Variants in CLSTN2 observed in about 807,000 individuals in gnomAD.
The protein encoded by CLSTN2 is calsyntenin 2.
In CLSTN2, 48 loss-of-function variants were observed where a neutral mutation model predicts 101.2. That is an observed-to-expected ratio of 0.47 (90% CI 0.38 to 0.60). CLSTN2 has a LOEUF of 0.60. Among genes scored for constraint, CLSTN2 ranks in the 20% least tolerant of loss-of-function variants. The pLI, the probability that CLSTN2 is intolerant of heterozygous loss-of-function variation, is 0.00. For synonymous variants in CLSTN2, 481 were observed against 463.6 expected (o/e 1.04, Z -0.48); for missense variants, 1,160 against 1,238.2 (o/e 0.94, Z 0.95).
chr3:140,554,478 A>G (rs868487506), intron 10 of CLSTN2, among the ~76,000 whole-genome samples: 14 of 152,370 alleles, frequency 9.2e-5, no homozygotes, highest in Middle Eastern at 3.4e-3. Flanking sequence ...TTTGTCATTT[A>G]TCAGATTGGC....
At chr3:140,041,770 A>C (rs1354652330) in intron 1 of CLSTN2, among the ~76,000 whole-genome samples, 2 of 152,146 alleles carry the variant, frequency 1.3e-5, no homozygotes, top group Non-Finnish European at 2.9e-5. Context: ...TGCTTCTCTC[A>C]ACCCATCAGG....
chr3:140,367,613 C>T (rs994803516), intron 2 of CLSTN2, among the ~76,000 whole-genome samples: 2 of 151,654 alleles, frequency 1.3e-5, no homozygotes, highest in Non-Finnish European at 2.9e-5. Context: ...TTACTTCTAG[C>T]ACCTACCTGG....
chr3:139,965,358 T>C (rs1368803453), intron 1 of CLSTN2, among the ~76,000 whole-genome samples: 2 of 152,166 alleles, frequency 1.3e-5, no homozygotes, highest in Admixed American at 6.5e-5. Context: ...TTTGTACTTC[T>C]GAGAAAGTCA....
At chr3:140,165,398 C>A (rs984212966) in intron 1 of CLSTN2, among the ~76,000 whole-genome samples, 15 of 152,168 alleles carry the variant, frequency 9.9e-5, no homozygotes, top group African/African-American at 3.6e-4. Context: ...GTGTTAGGAA[C>A]TGTAGACATC....
chr3:140,177,383 A>G (rs1383225683), intron 2 of CLSTN2, among the ~76,000 whole-genome samples: 3 of 152,240 alleles, frequency 2.0e-5, no homozygotes, highest in Non-Finnish European at 4.4e-5. Context: ...TTTCTTGGAC[A>G]TAGCTAATAA....
chr3:140,428,274 T>C (rs1362760512), intron 5 of CLSTN2, among the ~76,000 whole-genome samples: 6 of 152,218 alleles, frequency 3.9e-5, no homozygotes, highest in Non-Finnish European at 7.3e-5. Context: ...TTTTTTTTTC[T>C]ATGTTTCAAG....
chr3:140,477,259 C>A (rs1934008139), intron 8 of CLSTN2, among the ~76,000 whole-genome samples: 1 of 152,186 alleles, frequency 6.6e-6, no homozygotes, highest in South Asian at 2.1e-4. Flanking sequence ...TTTAATTATA[C>A]CTCTAAATAA....
At chr3:140,204,854 C>T (rs1182152807) in intron 2 of CLSTN2, among the ~76,000 whole-genome samples, 1 of 152,188 alleles carries the variant, frequency 6.6e-6, no homozygotes, top group African/African-American at 2.4e-5. Context: ...TCAGGTCTGT[C>T]TGTCCCGCTG....
At chr3:140,360,759 G>C (rs2087722282) in intron 2 of CLSTN2, among the ~76,000 whole-genome samples, 1 of 151,930 alleles carries the variant, frequency 6.6e-6, no homozygotes, top group African/African-American at 2.4e-5. Context: ...TTGATGAAAT[G>C]GAAAAAAGTC....
At chr3:140,257,436 A>G (rs1357911251) in intron 2 of CLSTN2, among the ~76,000 whole-genome samples, 2 of 152,194 alleles carry the variant, frequency 1.3e-5, no homozygotes, top group East Asian at 1.9e-4. Flanking sequence ...TTATGACAGC[A>G]TCTTCTTCTA....
At chr3:140,182,639 C>T (rs1458441099) in intron 2 of CLSTN2, among the ~76,000 whole-genome samples, 1 of 152,196 alleles carries the variant, frequency 6.6e-6, no homozygotes, top group African/African-American at 2.4e-5. Flanking sequence ...CCCACCCAGT[C>T]ATGAGGCTTC....
At chr3:140,333,239 C>T (rs953459) in intron 2 of CLSTN2, among the ~76,000 whole-genome samples, 82,030 of 152,014 alleles carry the variant, frequency 0.54, 23,119 homozygotes, top group Non-Finnish European at 0.64. Flanking sequence ...CAGATTAATC[C>T]ACTTCCATGC....
intron 1 of CLSTN2, among the ~76,000 whole-genome samples, chr3:140,015,593 A>C (rs1195402616): frequency 6.6e-6 from 1 of 152,232 alleles, no homozygotes; most frequent in Non-Finnish European, 1.5e-5. Flanking sequence ...AAACAGAAGA[A>C]TGGGATTTCT....
At chr3:140,384,051 T>C (rs934663112) in intron 2 of CLSTN2, among the ~76,000 whole-genome samples, 3 of 152,210 alleles carry the variant, frequency 2.0e-5, no homozygotes, top group African/African-American at 7.2e-5. Flanking sequence ...TCAAGTTATT[T>C]ACTGTAAACT....
intron 4 of CLSTN2, among the ~76,000 whole-genome samples, 198 bp from the exon 5 acceptor site, chr3:140,420,927 G>A (rs1449332101): frequency 6.6e-6 from 1 of 152,218 alleles, no homozygotes; most frequent in Non-Finnish European, 1.5e-5. Context: ...TCAGCCAGTG[G>A]GTTCCCAGGA....
At chr3:140,037,155 TTG>T (rs935752845) in intron 1 of CLSTN2, among the ~76,000 whole-genome samples, 6 of 152,020 alleles carry the variant, frequency 3.9e-5, no homozygotes, top group Non-Finnish European at 8.8e-5. Flanking sequence ...GTTTTCAAAC[TTG>T]TAAAAAAACT....
chr3:140,300,432 G>A (rs550559595), intron 2 of CLSTN2, among the ~76,000 whole-genome samples: 1 of 152,182 alleles, frequency 6.6e-6, no homozygotes, highest in African/African-American at 2.4e-5. Context: ...CCCTTTCTTT[G>A]GCATTGAGAA....
intron 2 of CLSTN2, among the ~76,000 whole-genome samples, chr3:140,248,185 C>T (rs1453124416): frequency 6.6e-6 from 1 of 152,162 alleles, no homozygotes; most frequent in Non-Finnish European, 1.5e-5. Context: ...ATTTCCTGCG[C>T]AGAGCAAAGC....
chr3:140,377,450 T>TCCA (rs1412382021), intron 2 of CLSTN2, among the ~76,000 whole-genome samples: 1 of 152,168 alleles, frequency 6.6e-6, no homozygotes, highest in African/African-American at 2.4e-5. Context: ...AGATGAGAGC[T>TCCA]CCATGCATGT....
Sources: allele counts gnomAD v4.1 joint callset (sites outside exome capture counted in the v4.1 genomes callset), GRCh38; gene constraint gnomAD v4.1.1; transcripts MANE v1.5; gene names NCBI Gene and HGNC (gene_info 2026-07-23, HGNC 2026-07-21).